The following SCAI variants were observed in gnomAD, a reference collection of about 807,000 sequenced individuals.
SCAI encodes suppressor of cancer cell invasion, also known as protein SCAI.
A neutral mutation model predicts 92.2 loss-of-function variants in SCAI; 24 were observed. The observed-to-expected ratio is 0.26, with a 90% confidence interval of 0.19 to 0.37. SCAI has a LOEUF of 0.37. SCAI is among the 10% of genes least tolerant of loss of function. SCAI has a pLI of 1.00. For synonymous variants in SCAI, 261 were observed against 258.6 expected, an observed-to-expected ratio of 1.01 and a Z score of -0.09; for missense variants, 450 against 736.2, an observed-to-expected ratio of 0.61 and a Z score of 4.50.
intron 2 of SCAI, among the ~76,000 whole-genome samples, chr9:125,087,262 T>C (rs543922006): frequency 1.3e-5 from 2 of 152,366 alleles, no homozygotes; most frequent in East Asian, 3.9e-4. Context: ...TAGCATTGAT[T>C]GATACATCAG....
At chr9:125,125,909 TACACACACACACACACACAC>T (rs10554292) in intron 2 of SCAI, among the ~76,000 whole-genome samples, 48 of 137,998 alleles carry the variant, frequency 3.5e-4, no homozygotes, top group African/African-American at 9.5e-4. Context: ...TGCGTACACG[TACACACACACACACACACAC>T]ACACACACAC....
intron 9 of SCAI, among the ~76,000 whole-genome samples, chr9:125,011,268 G>C (rs1303666078): frequency 6.6e-6 from 1 of 152,198 alleles, no homozygotes; most frequent in African/African-American, 2.4e-5. Context: ...CAAAGGCAAA[G>C]AAGTTGAAAA....
At chr9:125,044,005 C>T (rs1327959937) in intron 3 of SCAI, among the ~76,000 whole-genome samples, 1 of 152,146 alleles carries the variant, frequency 6.6e-6, no homozygotes, top group East Asian at 1.9e-4. Flanking sequence ...CCTGCCCCCA[C>T]ATGCTTGAAA....
chr9:125,040,903 G>A (rs1409853179), intron 3 of SCAI, among the ~76,000 whole-genome samples: 1 of 151,954 alleles, frequency 6.6e-6, no homozygotes, highest in African/African-American at 2.4e-5. Flanking sequence ...CAAAGTGCTG[G>A]GATTACAGGT....
At chr9:125,119,916 T>G (rs907480396) in intron 2 of SCAI, among the ~76,000 whole-genome samples, 4 of 152,208 alleles carry the variant, frequency 2.6e-5, no homozygotes, top group Non-Finnish European at 5.9e-5. Flanking sequence ...CACAGGCCAC[T>G]CCTAGTTGCT....
chr9:124,966,193 C>T (rs1164480722), intron 17 of SCAI, among the ~76,000 whole-genome samples: 6 of 151,930 alleles, frequency 3.9e-5, no homozygotes, highest in Admixed American at 3.3e-4. Context: ...TTGTCATTTA[C>T]ATTAGGTATA....
At chr9:125,056,398 G>A (rs540266776) in intron 2 of SCAI, among the ~76,000 whole-genome samples, 5 of 152,234 alleles carry the variant, frequency 3.3e-5, no homozygotes, top group Admixed American at 6.5e-5. Flanking sequence ...CCAGGGAGGC[G>A]GAGGTTGCAG....
rs578120197 is a variant in SCAI, at chr9:125,032,027, A to T, written c.231-2288T>A. On this transcript the variant is annotated intron_variant, in intron 3 of 17. Coordinates refer to ENST00000336505, the MANE Select transcript of SCAI (RefSeq NM_001144877.3). The stretch of plus-strand genomic sequence containing the variant: ...TGTTGTGCTAGTTCAACTCTGTCTC[A>T]ATCAGTACCCCTATGACCACCATTA... Among the ~76,000 whole-genome samples the T allele has an allele frequency of 2.0e-5, 3 of 151,818 alleles. No homozygotes were observed. The South Asian group carries it at 6.2e-4, about 31-fold the overall frequency.
At chr9:125,095,790 G>A (rs191568097) in intron 2 of SCAI, among the ~76,000 whole-genome samples, 1 of 152,142 alleles carries the variant, frequency 6.6e-6, no homozygotes, top group Non-Finnish European at 1.5e-5. Context: ...AGTGATGAGA[G>A]AGCAACAAGA....
rs141392024 is a variant in SCAI, at chr9:125,130,449, A to G, written c.98+12184T>C. ...TCGTCAAAATTCAAAGAACTAAAAC[A>G]GGTGAATTTCACCCTATGTAAATTA... On this transcript the variant is annotated intron_variant, in intron 2 of 17. Transcript: ENST00000336505. 4.1e-4 allele frequency among the ~76,000 whole-genome samples: 63 copies of G among 152,296 alleles called. No individual in the cohort carries two copies. In the East Asian group the frequency reaches 0.012, roughly 29 times the overall value.
rs373723357 is a variant in SCAI at position 125,067,826 on chromosome 9, AAAC to A, written c.99-11822_99-11820del. Among the ~76,000 whole-genome samples, 80 of 152,360 alleles carry A rather than the reference AAAC, an allele frequency of 5.3e-4. No individual in the cohort carries two copies. The South Asian group carries it at 0.017, about 32-fold the overall frequency. ...AGATTACAAAATGGGCAAACAAGCA[AAAC>A]AACAACGAGCAGGGACAACTGCTCA... is the stretch of plus-strand genomic sequence containing the variant. On this transcript the variant is annotated intron_variant, in intron 2 of 17. Transcript: ENST00000336505.
chr9:124,987,835 C>T (rs1832030220), intron 14 of SCAI, among the ~76,000 whole-genome samples: 1 of 151,998 alleles, frequency 6.6e-6, no homozygotes, highest in South Asian at 2.1e-4. Context: ...TGGTGGCACA[C>T]ACCTGTAGTC....
chr9:125,030,588 T>C (rs550385641), intron 3 of SCAI, among the ~76,000 whole-genome samples: 3 of 152,102 alleles, frequency 2.0e-5, no homozygotes, highest in African/African-American at 7.2e-5. Context: ...GTTATTGCCA[T>C]AACAAACATG....
intron 17 of SCAI, among the ~76,000 whole-genome samples, chr9:124,965,708 T>C (rs1831526456): frequency 6.6e-6 from 1 of 152,236 alleles, no homozygotes; most frequent in African/African-American, 2.4e-5. Context: ...GATTAATTTA[T>C]CTTGAAATGG....
chr9:125,050,653 G>A (rs919488130), intron 3 of SCAI, among the ~76,000 whole-genome samples: 4 of 151,914 alleles, frequency 2.6e-5, no homozygotes, highest in African/African-American at 9.7e-5. Context: ...GCTCATTGCA[G>A]CTTCAAACCC....
intron 14 of SCAI, among the ~76,000 whole-genome samples, chr9:124,982,848 C>T (rs1831914621): frequency 6.6e-6 from 1 of 152,062 alleles, no homozygotes. Context: ...GAAATTATTT[C>T]TTTAACTGGG....
chr9:124,953,019 AAC>A (rs1164271905), intron 17 of SCAI, 66 bp from the exon 18 acceptor site: 4 of 1,295,280 alleles, frequency 3.1e-6, no homozygotes, highest in Non-Finnish European at 4.5e-6. Context: ...ACACATTGAT[AAC>A]AGTGTCAAGG....
chr9:125,117,655 G>A lies in SCAI; in HGVS notation c.98+24978C>T, dbSNP rs544346925. Among the ~76,000 whole-genome samples the A allele has an allele frequency of 2.9e-5, 3 of 104,618 alleles. No homozygotes were observed. The South Asian group carries it at 1.1e-3, about 38-fold the overall frequency. The allele number at this position is 104,618 out of a possible 152,430, so 68.6% of individuals were successfully genotyped here. A position where few individuals can be genotyped will look rare whatever the true frequency, so the allele number is the denominator to read the frequency against. On this transcript the variant is annotated intron_variant, in intron 2 of 17. Transcript: ENST00000336505. ...CACTCCAGTCTGGGCGACAGAGTGA[G>A]ACTCCATCTCAAAAAAAAAAAAAAA...
At chr9:124,997,875 CAAAA>C (rs35502581) in intron 13 of SCAI, among the ~76,000 whole-genome samples, 2 of 111,134 alleles carry the variant, frequency 1.8e-5, no homozygotes, top group Non-Finnish European at 3.8e-5. Flanking sequence ...AACTCTGTCT[CAAAA>C]AAAAAAAAAA....
Sources: gnomAD v4.1 joint callset for allele counts (sites outside exome capture counted in the v4.1 genomes callset) on GRCh38, gnomAD v4.1.1 for gene constraint, MANE v1.5 for transcripts, NCBI Gene and HGNC (gene_info 2026-07-23, HGNC 2026-07-21) for gene names.